The following PTPRN2 variants were observed in gnomAD, a reference collection of about 807,000 sequenced individuals.
PTPRN2 encodes protein tyrosine phosphatase receptor type N2, also known as receptor-type tyrosine-protein phosphatase N2.
PTPRN2 carries 74 observed loss-of-function variants against 118.8 expected under a neutral mutation model. That is an observed-to-expected ratio of 0.62 (90% CI 0.52 to 0.76). The LOEUF is 0.76. PTPRN2 is among the 30% of genes least tolerant of loss of function. PTPRN2 has a pLI of 0.00. For synonymous variants in PTPRN2, 641 were observed against 608.0 expected, an observed-to-expected ratio of 1.05 and a Z score of -0.80; for missense variants, 1,481 against 1,394.4, an observed-to-expected ratio of 1.06 and a Z score of -0.99.
At chr7:158,162,444 C>A (rs1171090966) in intron 6 of PTPRN2, among the ~76,000 whole-genome samples, 1 of 152,038 alleles carries the variant, frequency 6.6e-6, no homozygotes. Flanking sequence ...GAGAAATGAG[C>A]CATCGAGCCA....
rs192534360 is a variant in PTPRN2, at chr7:157,970,624, C to G, written c.1724-71887G>C. ...CTGGCAGCAGTGTGCTTCATTGTCA[C>G]GCTCAGAGCGGACCCCCCCCCCCAC... On this transcript the variant is annotated intron_variant, in intron 11 of 22. Transcript: ENST00000389418. Among the ~76,000 whole-genome samples the G allele has an allele frequency of 2.3e-3, 327 of 141,752 alleles. 3 individuals carry two copies. Among genetic ancestry groups the G allele is most frequent in the African/African-American group, 7.9e-3 (294 of 37,124 alleles). 93.0% of individuals were successfully genotyped at this position (141,752 alleles called of 152,430 possible). A position where few individuals can be genotyped will look rare whatever the true frequency, so the allele number is the denominator to read the frequency against.
At position 157,734,952 on chromosome 7, in the gene PTPRN2, A is replaced by G. The variant is rs571098874; in HGVS notation, c.1789-52015T>C. On this transcript the variant is annotated intron_variant, in intron 12 of 22. Transcript: ENST00000389418. The stretch of plus-strand genomic sequence containing the variant: ...GAAACGCGCACACACATCTGAGATT[A>G]TTAAATAGCAGCCGCTAACTGCCTC... 4.6e-5 allele frequency among the ~76,000 whole-genome samples: 7 copies of G among 152,364 alleles called. No homozygotes were observed. The South Asian group carries it at 6.2e-4, about 14-fold the overall frequency.
chr7:158,273,335 G>A (rs1307044719), intron 3 of PTPRN2, among the ~76,000 whole-genome samples: 1 of 150,818 alleles, frequency 6.6e-6, no homozygotes, highest in African/African-American at 2.5e-5. Context: ...GGGAGGCCAG[G>A]AGATGCAGAA....
At chr7:158,188,198 C>T (rs1240676240) in intron 5 of PTPRN2, among the ~76,000 whole-genome samples, 4 of 82,916 alleles carry the variant, frequency 4.8e-5, no homozygotes, top group Non-Finnish European at 2.8e-5. Flanking sequence ...ATGGGGAAGG[C>T]CGCCACGCTC....
chr7:158,115,126 CT>C (rs1160326532), intron 9 of PTPRN2, among the ~76,000 whole-genome samples: 1 of 152,136 alleles, frequency 6.6e-6, no homozygotes. Flanking sequence ...ATGATTGCAC[CT>C]GTGAATAACC....
chr7:158,447,650 C>T (rs901133331), intron 2 of PTPRN2, among the ~76,000 whole-genome samples: 18 of 152,250 alleles, frequency 1.2e-4, no homozygotes, highest in Non-Finnish European at 8.8e-5. Context: ...GCCTGCCTTG[C>T]GTCCTGCCAG....
At chr7:157,774,965 T>A (rs1303691971) in intron 12 of PTPRN2, among the ~76,000 whole-genome samples, 2 of 152,186 alleles carry the variant, frequency 1.3e-5, no homozygotes, top group Non-Finnish European at 2.9e-5. Flanking sequence ...CTCTGAAAGT[T>A]CTTGATGAGA....
chr7:158,392,868 T>C (rs959780655), intron 2 of PTPRN2, among the ~76,000 whole-genome samples: 6 of 152,130 alleles, frequency 3.9e-5, no homozygotes, highest in African/African-American at 7.2e-5. Context: ...AGGCAGCCCC[T>C]CTCGGTAGAA....
chr7:157,574,034 A>C (rs1240610673), intron 19 of PTPRN2, among the ~76,000 whole-genome samples: 4 of 152,206 alleles, frequency 2.6e-5, no homozygotes, highest in Admixed American at 2.0e-4. Context: ...CATATTGAAC[A>C]CAAGAGTTCA....
In PTPRN2 at chr7:157,780,596, G is replaced by GCTC. The variant is rs1803618132; in HGVS notation, c.1789-97660_1789-97659insGAG. Among the ~76,000 whole-genome samples the GCTC allele has an allele frequency of 6.6e-6, 1 of 152,188 alleles. No homozygotes were observed. The highest frequency in any genetic ancestry group is 2.4e-5 in the African/African-American group (1 of 41,444). On this transcript the variant is annotated intron_variant, in intron 12 of 22. Transcript: ENST00000389418. This position sits in a 1 kb window ranked among gnomAD's most constrained non-coding sequence, Gnocchi z 4.5. The stretch of plus-strand genomic sequence containing the variant: ...AGTACTGGCTCTGCACGCCTTCACC[G>GCTC]TGAGAGGCCCCTGGACAAGGGACTG...
chr7:157,879,395 T>TCGTGCACGCACA (rs60349055), intron 12 of PTPRN2, among the ~76,000 whole-genome samples: 2 of 151,912 alleles, frequency 1.3e-5, no homozygotes, highest in South Asian at 2.1e-4. Flanking sequence ...ACACACACAC[T>TCGTGCACGCACA]CGTGCACGCA....
chr7:158,370,518 C>T (rs1361535155), intron 2 of PTPRN2, among the ~76,000 whole-genome samples: 2 of 151,364 alleles, frequency 1.3e-5, no homozygotes, highest in African/African-American at 4.9e-5. Flanking sequence ...TTTGGGAGGC[C>T]GAGGCGGGTG....
At chr7:158,101,591 G>C (rs549641142) in intron 10 of PTPRN2, among the ~76,000 whole-genome samples, 60 of 152,262 alleles carry the variant, frequency 3.9e-4, no homozygotes, top group African/African-American at 1.3e-3. Context: ...CCTTCTTCCA[G>C]TCATCTAGCC....
chr7:158,524,008 A>G (rs866636385), intron 1 of PTPRN2, among the ~76,000 whole-genome samples: 105 of 31,346 alleles, frequency 3.3e-3, no homozygotes, highest in Non-Finnish European at 3.7e-3. Context: ...GGAGTCGTCT[A>G]CCCTGGAGTG....
rs535256257 is a variant in PTPRN2 at position 157,813,298 on chromosome 7, G to A, written c.1788+85375C>T. On this transcript the variant is annotated intron_variant, in intron 12 of 22. Transcript: ENST00000389418. This position sits in a 1 kb window ranked among gnomAD's most constrained non-coding sequence, Gnocchi z 4.7. ...CTGCCCGGTCCTCCTGCTGTGGGGTGTGAGTCCAGCCAGTGCTGGGAAGCC... is the reference window on the plus strand; with the variant it reads ...CTGCCCGGTCCTCCTGCTGTGGGGTATGAGTCCAGCCAGTGCTGGGAAGCC... 4.7e-4 allele frequency among the ~76,000 whole-genome samples: 71 copies of A among 152,276 alleles called. No homozygotes were observed. In the South Asian group the frequency reaches 0.013, roughly 29 times the overall value.
intron 11 of PTPRN2, among the ~76,000 whole-genome samples, chr7:157,919,804 AACCACAT>A (rs1798600886): frequency 6.6e-6 from 1 of 152,252 alleles, no homozygotes; most frequent in East Asian, 1.9e-4. Flanking sequence ...GTCAGTGATG[AACCACAT>A]ACACCCACAA....
chr7:158,120,416 T>C (rs1343755254), intron 9 of PTPRN2, among the ~76,000 whole-genome samples: 2 of 152,124 alleles, frequency 1.3e-5, no homozygotes, highest in Non-Finnish European at 2.9e-5. Flanking sequence ...CACCATGACG[T>C]GTGGCTGCTC....
At chr7:158,071,761 TCG>T (rs1811836686) in intron 11 of PTPRN2, among the ~76,000 whole-genome samples, 2 of 132,444 alleles carry the variant, frequency 1.5e-5, no homozygotes, top group Non-Finnish European at 1.6e-5. Flanking sequence ...GTGGAGGTGC[TCG>T]TGGTGATGGA....
chr7:157,849,955 T>C (rs1319401352), intron 12 of PTPRN2, among the ~76,000 whole-genome samples: 1 of 152,236 alleles, frequency 6.6e-6, no homozygotes, highest in Non-Finnish European at 1.5e-5. Context: ...CGACATGAGA[T>C]AGCCAGGCTC....
Sources: gnomAD v4.1 joint callset for allele counts (sites outside exome capture counted in the v4.1 genomes callset) on GRCh38, gnomAD v4.1.1 for gene constraint, Gnocchi (gnomAD v3.1) non-coding constraint, MANE v1.5 for transcripts, NCBI Gene and HGNC (gene_info 2026-07-23, HGNC 2026-07-21) for gene names.